The following PCDHGB4 variants were observed in gnomAD, a reference collection of about 807,000 sequenced individuals.
The protein encoded by PCDHGB4 is protocadherin gamma-B4.
PCDHGB4 carries 38 observed loss-of-function variants against 60.5 expected under a neutral mutation model. The ratio of observed to expected loss-of-function variants is 0.63; its 90% CI spans 0.48 to 0.82. The LOEUF (loss-of-function observed/expected upper bound fraction) is 0.82, where lower values mean the gene tolerates loss of function less well. Among genes scored for constraint, PCDHGB4 ranks in the 40% least tolerant of loss-of-function variants. The pLI, the probability that PCDHGB4 is intolerant of heterozygous loss-of-function variation, is 0.00. For synonymous variants in PCDHGB4, 456 were observed against 509.7 expected, an observed-to-expected ratio of 0.89 and a Z score of 1.42; for missense variants, 1,109 against 1,209.6, an observed-to-expected ratio of 0.92 and a Z score of 1.23.
At chr5:141,415,700 A>G (rs1213224503) in intron 1 of PCDHGB4, 1 of 1,515,570 alleles carries the variant, frequency 6.6e-7, no homozygotes, top group East Asian at 2.5e-5. Flanking sequence ...GAAAGTGTAA[A>G]TGCTAAAACA....
At chr5:141,444,183 T>G (rs2098423667) in intron 1 of PCDHGB4, among the ~76,000 whole-genome samples, 1 of 138,396 alleles carries the variant, frequency 7.2e-6, no homozygotes, top group African/African-American at 2.8e-5. Flanking sequence ...TTTTTTTTTT[T>G]TTTTTGAGAT....
chr5:141,389,230 T>G lies in PCDHGB4; in HGVS notation c.1346T>G (p.Val449Gly). 1 of 1,613,936 alleles carries G rather than the reference T, an allele frequency of 6.2e-7. No individual in the cohort carries two copies. Among genetic ancestry groups the G allele is most frequent in the Non-Finnish European group, 8.5e-7 (1 of 1,179,880 alleles). The change falls in exon 1 of 4, where the codon GTT becomes GGT. Residue 449 changes from valine to glycine, a missense_variant. Coordinates refer to ENST00000519479, the MANE Select transcript of PCDHGB4 (RefSeq NM_003736.4). ...GGTGATGTAAATGACAACGCTCCGG[T>G]TTTCTCACAGTCTTCCTATATAGTC... ...HIGDVNDNAP[V>G]FSQSSYIVHV...
At chr5:141,463,587 T>TA (rs2099064735) in intron 1 of PCDHGB4, among the ~76,000 whole-genome samples, 1 of 152,058 alleles carries the variant, frequency 6.6e-6, no homozygotes, top group East Asian at 1.9e-4. Context: ...TAGCTGGGAC[T>TA]ACAGGTGCCT....
chr5:141,414,741 A>C, intron 1 of PCDHGB4: 1 of 1,614,158 alleles, frequency 6.2e-7, no homozygotes. Flanking sequence ...ATGCACTCAG[A>C]TCCTTCGACT....
Position 141,418,027 on chromosome 5 carries a change from T to A in PCDHGB4, c.2397+27746T>A, listed in dbSNP as rs536104184. 2.4e-5 allele frequency: 38 copies of A among 1,613,808 alleles called. 1 individual carries two copies. In the South Asian group the frequency reaches 4.2e-4, roughly 18 times the overall value. ...GGAACCTCGCTAAGGATCTAGGGCT[T>A]AGTGTCCTGGATGTGTCGGCTCGCG... On this transcript the variant is annotated intron_variant, in intron 1 of 3. Coordinates refer to ENST00000519479, the MANE Select transcript of PCDHGB4 (RefSeq NM_003736.4).
intron 1 of PCDHGB4, chr5:141,394,550 C>T (rs1389907024): frequency 9.3e-6 from 15 of 1,614,014 alleles, no homozygotes; most frequent in South Asian, 7.7e-5. Flanking sequence ...AGCTGGCGCC[C>T]CGCTCCGCAG....
chr5:141,410,103 A>G, intron 1 of PCDHGB4: 1 of 1,612,622 alleles, frequency 6.2e-7, no homozygotes, highest in South Asian at 1.1e-5. Flanking sequence ...GCCTTAGGCG[A>G]CAGGGACGCA....
chr5:141,456,335 G>A (rs2098850730), intron 1 of PCDHGB4, among the ~76,000 whole-genome samples: 1 of 152,114 alleles, frequency 6.6e-6, no homozygotes. Flanking sequence ...TTGATCTAAG[G>A]GTCCTCGGAA....
intron 1 of PCDHGB4, chr5:141,421,399 C>G: frequency 4.3e-6 from 7 of 1,614,046 alleles, no homozygotes; most frequent in Non-Finnish European, 5.1e-6. Context: ...GCTGGAGCCC[C>G]GGGAGCTGGC....
chr5:141,409,171 C>G, intron 1 of PCDHGB4: 1 of 1,613,962 alleles, frequency 6.2e-7, no homozygotes, highest in South Asian at 1.1e-5. Flanking sequence ...AAGCGAAGGA[C>G]GGAGGTGGTC....
At chr5:141,483,242 C>T (rs2099578681) in intron 1 of PCDHGB4, among the ~76,000 whole-genome samples, 1 of 151,558 alleles carries the variant, frequency 6.6e-6, no homozygotes, top group African/African-American at 2.4e-5. Flanking sequence ...AACTGATATG[C>T]ATATATCATG....
At chr5:141,423,332 C>T in intron 1 of PCDHGB4, 1 of 1,614,198 alleles carries the variant, frequency 6.2e-7, no homozygotes, top group South Asian at 1.1e-5. Flanking sequence ...GCCGCAGTCT[C>T]CTGCATCTTC....
intron 1 of PCDHGB4, chr5:141,399,765 G>A: frequency 6.2e-7 from 1 of 1,613,356 alleles, no homozygotes; most frequent in African/African-American, 1.3e-5. Flanking sequence ...GCCTGCGCGT[G>A]TTGGTGGGCG....
intron 1 of PCDHGB4, among the ~76,000 whole-genome samples, chr5:141,462,574 C>T (rs1308899602): frequency 2.0e-5 from 3 of 152,036 alleles, no homozygotes; most frequent in Non-Finnish European, 4.4e-5. Context: ...TTGCTAATCC[C>T]ATCCAGTGAA....
rs922042985 is a variant in PCDHGB4, at chr5:141,415,768, T to G, written c.2397+25487T>G. 1.6e-5 allele frequency: 22 copies of G among 1,345,224 alleles called. No homozygotes were observed. The African/African-American group carries it at 3.6e-4, about 22-fold the overall frequency. The allele number at this position is 1,345,224 out of a possible 1,614,324, so 83.3% of individuals were successfully genotyped here. ...TTTTTTTTTTTTTTTTTTTTTTTTT[T>G]TTTTACTTTCTGGTAAAATTCACCT... is the stretch of plus-strand genomic sequence containing the variant. On this transcript the variant is annotated intron_variant, in intron 1 of 3. Coordinates refer to ENST00000519479, the MANE Select transcript of PCDHGB4 (RefSeq NM_003736.4).
Position 141,486,954 on chromosome 5 carries a change from C to T in PCDHGB4, c.2398-7853C>T, listed in dbSNP as rs764632268. 3.7e-6 allele frequency: 6 copies of T among 1,614,114 alleles called. 1 individual carries two copies. The South Asian group carries it at 6.6e-5, about 18-fold the overall frequency. On this transcript the variant is annotated intron_variant, in intron 1 of 3. Coordinates refer to ENST00000519479, the MANE Select transcript of PCDHGB4 (RefSeq NM_003736.4). The surrounding 1 kb of genome is among the most constrained non-coding windows in gnomAD (Gnocchi z 5.0). ...GCTGGCCACCTAATCACAAAGGTGA[C>T]TGCTGTGGACTTGGATTCAGGTTAC...
At chr5:141,415,696 G>C (rs867312295) in intron 1 of PCDHGB4, 12 of 1,397,434 alleles carry the variant, frequency 8.6e-6, no homozygotes, top group Non-Finnish European at 1.1e-5. Flanking sequence ...GGTGGAAAGT[G>C]TAAATGCTAA....
chr5:141,409,879 A>C, intron 1 of PCDHGB4: 1 of 1,612,852 alleles, frequency 6.2e-7, no homozygotes. Context: ...ATGACAACGC[A>C]CCGCGGGTGC....
chr5:141,440,077 C>T (rs983267885), intron 1 of PCDHGB4: 1 of 152,424 alleles, frequency 6.6e-6, no homozygotes, highest in Non-Finnish European at 1.5e-5. Flanking sequence ...AGGAATAATA[C>T]TTCATTCTAA....
Sources: allele counts gnomAD v4.1 joint callset (sites outside exome capture counted in the v4.1 genomes callset), GRCh38; gene constraint gnomAD v4.1.1; non-coding constraint Gnocchi (gnomAD v3.1); transcripts MANE v1.5; gene names NCBI Gene and HGNC (gene_info 2026-07-23, HGNC 2026-07-21).